The following CEP44 variants were observed in gnomAD, a reference collection of about 807,000 sequenced individuals.
The protein encoded by CEP44 is centrosomal protein of 44 kDa.
Under a neutral mutation model 46.7 loss-of-function variants are expected in CEP44, and 45 were observed. The observed-to-expected ratio is 0.96, with a 90% CI of 0.76 to 1.24. CEP44 has a LOEUF of 1.24. Among genes scored for constraint, CEP44 ranks in the 50% most tolerant of loss-of-function variants. The probability of loss-of-function intolerance (pLI) is 0.00; values close to 1 mark genes in which losing one functional copy is unlikely to be tolerated. For missense variants in CEP44, 475 were observed against 459.7 expected (o/e 1.03, Z -0.30); for synonymous variants, 142 against 146.0 (o/e 0.97, Z 0.20).
At chr4:174,313,387 A>G (rs536050698) in intron 9 of CEP44, among the ~76,000 whole-genome samples, 14 of 145,154 alleles carry the variant, frequency 9.6e-5, no homozygotes, top group Admixed American at 3.5e-4. Context: ...AGAGGAAAAA[A>G]AAAAAAAAGG....
chr4:174,308,246 A>G (rs1271632517), intron 6 of CEP44, among the ~76,000 whole-genome samples: 1 of 152,210 alleles, frequency 6.6e-6, no homozygotes, highest in Non-Finnish European at 1.5e-5. Context: ...TCAATGATAG[A>G]GCAGATAAAG....
downstream of CEP44, among the ~76,000 whole-genome samples, chr4:174,322,393 G>T (rs538862844): frequency 6.6e-6 from 1 of 152,026 alleles, no homozygotes; most frequent in South Asian, 2.1e-4. Context: ...ACATTGGCTG[G>T]TAGAATTCTA....
Position 174,311,274 on chromosome 4 carries a change from A to T in CEP44, c.961+416A>T, listed in dbSNP as rs1463500936. On this transcript the variant is annotated intron_variant, in intron 9 of 11. Transcript: ENST00000503780. This position sits in a 1 kb window ranked among gnomAD's most constrained non-coding sequence, Gnocchi z 4.4. ...AAGTATTGCAAACTTCTTCCATGTGAATAGTTCACTGATAATGATAAAATG... is the reference window on the plus strand; with the variant it reads ...AAGTATTGCAAACTTCTTCCATGTGTATAGTTCACTGATAATGATAAAATG... Among the ~76,000 whole-genome samples, 1 of 152,030 alleles carries T rather than the reference A, an allele frequency of 6.6e-6. No homozygotes were observed. The highest frequency in any genetic ancestry group is 2.1e-4 in the South Asian group (1 of 4,834).
At chr4:174,320,449 T>C, downstream of CEP44, 2 of 324,634 alleles carry the variant, frequency 6.2e-6, no homozygotes, top group South Asian at 2.9e-4. Flanking sequence ...TGAGCTCAAA[T>C]AACATTGTAA....
intron 1 of CEP44, among the ~76,000 whole-genome samples, chr4:174,296,763 A>ATTTTTTTTTTTTTTTTTTTTTT (rs202212472): frequency 1.1e-5 from 1 of 90,420 alleles, no homozygotes; most frequent in Non-Finnish European, 2.1e-5. Flanking sequence ...GTCCTTACTG[A>ATTTTTTTTTTTTTTTTTTTTTT]TTTTTTTTTT....
rs1741773735 is a variant in CEP44, at chr4:174,316,764, C to G, written c.1124+197C>G. On this transcript the variant is annotated intron_variant, in intron 11 of 11. Coordinates refer to ENST00000503780, the MANE Select transcript of CEP44 (RefSeq NM_001040157.3). The stretch of plus-strand genomic sequence containing the variant: ...GTGAGATGAGTCACTGTTTTAGTTT[C>G]CAACAAGCGATTTAAAACTTGTTGG... The G allele has an allele frequency of 2.3e-5, 10 of 434,276 alleles. No individual in the cohort carries two copies. In the Admixed American group the frequency reaches 4.1e-4, roughly 18 times the overall value. The allele number at this position is 434,276 out of a possible 1,614,324, so 26.9% of individuals were successfully genotyped here.
At position 174,311,336 on chromosome 4, in the gene CEP44, C is replaced by T. The variant is rs1009417078; in HGVS notation, c.961+478C>T. Among the ~76,000 whole-genome samples the T allele has an allele frequency of 1.3e-5, 2 of 151,966 alleles. No individual in the cohort carries two copies. The highest frequency in any genetic ancestry group is 4.8e-5 in the African/African-American group (2 of 41,400). On this transcript the variant is annotated intron_variant, in intron 9 of 11. Coordinates refer to ENST00000503780, the MANE Select transcript of CEP44 (RefSeq NM_001040157.3). This position sits in a 1 kb window ranked among gnomAD's most constrained non-coding sequence, Gnocchi z 4.4. ...ATATTAGGATAGGTCTTTTCCTGGT[C>T]ACTTTACTAGGCTACTGATATTTTG...
Position 174,325,570 on chromosome 4 carries a change from A to G in CEP44, c.1087-5912A>G, listed in dbSNP as rs1333829280. Among the ~76,000 whole-genome samples the G allele has an allele frequency of 1.3e-5, 2 of 152,050 alleles. No homozygotes were observed. Among genetic ancestry groups the G allele is most frequent in the Non-Finnish European group, 1.5e-5 (1 of 68,004 alleles). On this transcript the variant is annotated intron_variant, in intron 8 of 8. Coordinates refer to the CEP44 transcript ENST00000426172. This position sits in a 1 kb window ranked among gnomAD's most constrained non-coding sequence, Gnocchi z 4.4. ...CTCGAGAGGCTGAGGTGGGAAGATA[A>G]CTTGAGCTGAGGAGGTTGTGGCTTC...
At chr4:174,313,998 T>C (rs1741388559) in intron 9 of CEP44, among the ~76,000 whole-genome samples, 1 of 152,222 alleles carries the variant, frequency 6.6e-6, no homozygotes, top group African/African-American at 2.4e-5. Flanking sequence ...TTTAGAAGTA[T>C]TGGCTTACAA....
rs1451526216 is a variant in CEP44 at position 174,326,127 on chromosome 4, G to T, written c.1087-5355G>T. ...TTTCTGTTTTTATCATTTGTTCTTA[G>T]CTGCTTTTTTGCCTCTTTTCCTGAA... is the stretch of plus-strand genomic sequence containing the variant. On this transcript the variant is annotated intron_variant, in intron 8 of 8. Coordinates refer to the CEP44 transcript ENST00000426172. The surrounding 1 kb of genome is among the most constrained non-coding windows in gnomAD (Gnocchi z 4.8). Among the ~76,000 whole-genome samples the T allele has an allele frequency of 1.3e-5, 2 of 151,622 alleles. No individual in the cohort carries two copies. Among genetic ancestry groups the T allele is most frequent in the African/African-American group, 4.8e-5 (2 of 41,290 alleles).
chr4:174,300,238 G>A (rs1426917782), intron 3 of CEP44, among the ~76,000 whole-genome samples: 2 of 152,158 alleles, frequency 1.3e-5, no homozygotes, highest in Admixed American at 6.5e-5. Context: ...TAACTCAAGA[G>A]AAGGCTGAAA....
Position 174,288,170 on chromosome 4 carries a change from G to T in CEP44, c.-148+4227G>T, listed in dbSNP as rs375372027. ...AAGCTATAGACATTTAATGTATACA[G>T]TTTCTGTTTGGAGATAAGTAGATAT... On this transcript the variant is annotated intron_variant, in intron 1 of 11. Coordinates refer to ENST00000503780, the MANE Select transcript of CEP44 (RefSeq NM_001040157.3). This position sits in a 1 kb window ranked among gnomAD's most constrained non-coding sequence, Gnocchi z 4.6. Among the ~76,000 whole-genome samples the T allele has an allele frequency of 3.9e-5, 6 of 152,284 alleles. No homozygotes were observed. The South Asian group carries it at 6.2e-4, about 16-fold the overall frequency.
At position 174,301,444 on chromosome 4, in the gene CEP44, A is replaced by G. The variant is rs975632904; in HGVS notation, c.90-595A>G. ...AGATTTGATGAATGATTTGTAAAAA[A>G]TAAATAATAATTGGATAAGCAAAGA... is the stretch of plus-strand genomic sequence containing the variant. On this transcript the variant is annotated intron_variant, in intron 3 of 11. Coordinates refer to ENST00000503780, the MANE Select transcript of CEP44 (RefSeq NM_001040157.3). This position sits in a 1 kb window ranked among gnomAD's most constrained non-coding sequence, Gnocchi z 4.3. 6.6e-6 allele frequency among the ~76,000 whole-genome samples: 1 copy of G among 152,190 alleles called. No individual in the cohort carries two copies. The highest frequency in any genetic ancestry group is 2.4e-5 in the African/African-American group (1 of 41,466).
intron 4 of CEP44, among the ~76,000 whole-genome samples, chr4:174,302,399 G>A (rs1015430937): frequency 6.6e-6 from 1 of 152,002 alleles, no homozygotes; most frequent in Non-Finnish European, 1.5e-5. Flanking sequence ...TACAGCAACT[G>A]GTAAATATTT....
intron 1 of CEP44, among the ~76,000 whole-genome samples, chr4:174,296,763 A>ATTTTTTTTTT (rs202212472): frequency 3.5e-4 from 32 of 90,384 alleles, no homozygotes; most frequent in Non-Finnish European, 4.9e-4. Flanking sequence ...GTCCTTACTG[A>ATTTTTTTTTT]TTTTTTTTTT....
chr4:174,302,889 C>A (rs947572502), intron 4 of CEP44, among the ~76,000 whole-genome samples: 2 of 151,498 alleles, frequency 1.3e-5, no homozygotes, highest in African/African-American at 4.9e-5. Context: ...CAAGCAGTTC[C>A]CCTGCCTCAA....
chr4:174,315,881 T>G (rs1177366609), intron 9 of CEP44, among the ~76,000 whole-genome samples: 2 of 151,494 alleles, frequency 1.3e-5, no homozygotes, highest in African/African-American at 4.8e-5. Context: ...ACATGATTGA[T>G]TCAATAGGTT....
In CEP44 at chr4:174,325,435, T is replaced by A. The variant is rs1229324984; in HGVS notation, c.1087-6047T>A. Among the ~76,000 whole-genome samples the A allele has an allele frequency of 1.3e-5, 2 of 152,040 alleles. No individual in the cohort carries two copies. Among genetic ancestry groups the A allele is most frequent in the Non-Finnish European group, 2.9e-5 (2 of 67,990 alleles). On this transcript the variant is annotated intron_variant, in intron 8 of 8. Coordinates refer to the CEP44 transcript ENST00000426172. The surrounding 1 kb of genome is among the most constrained non-coding windows in gnomAD (Gnocchi z 4.4). ...TTGGGAGGCTGAGGTAGGAGAATCATTTGAGGCCAGAAGTTCAAGACCAGC... is the reference window on the plus strand; with the variant it reads ...TTGGGAGGCTGAGGTAGGAGAATCAATTGAGGCCAGAAGTTCAAGACCAGC...
downstream of CEP44, among the ~76,000 whole-genome samples, chr4:174,320,684 CTGTGTGTG>C (rs34832692): frequency 0.015 from 2,217 of 147,508 alleles, 48 homozygotes; most frequent in African/African-American, 0.052. Context: ...TGAGTGTGCT[CTGTGTGTG>C]TGTGTGTGTG....
Sources: allele counts gnomAD v4.1 joint callset (sites outside exome capture counted in the v4.1 genomes callset), GRCh38; gene constraint gnomAD v4.1.1; non-coding constraint Gnocchi (gnomAD v3.1); transcripts MANE v1.5; gene names NCBI Gene and HGNC (gene_info 2026-07-23, HGNC 2026-07-21).